THRB: variants seen among roughly 807,000 people sequenced by gnomAD.
THRB encodes thyroid hormone receptor beta, also known as nuclear receptor subfamily 1 group A member 2.
A neutral mutation model predicts 47.8 loss-of-function variants in THRB; 12 were observed. The ratio of observed to expected loss-of-function variants is 0.25; its 90% CI spans 0.16 to 0.41. The LOEUF is 0.41. Ranked by LOEUF, THRB falls within the 10% of genes least tolerant of loss-of-function variation. The pLI is 1.00. For synonymous variants in THRB, 218 were observed against 212.2 expected, an observed-to-expected ratio of 1.03 and a Z score of -0.24; for missense variants, 348 against 589.2, an observed-to-expected ratio of 0.59 and a Z score of 4.24.
Position 24,306,009 on chromosome 3 carries a change from T to C in THRB, c.-188-8638A>G, listed in dbSNP as rs541843272. Among the ~76,000 whole-genome samples the C allele has an allele frequency of 3.3e-5, 5 of 152,316 alleles. No individual in the cohort carries two copies. In the East Asian group the frequency reaches 9.6e-4, roughly 29 times the overall value. ...TCCAATAGATAACAAACATACTTCC[T>C]CCTCTTGCTAATTTAGACATGTTTC... On this transcript the variant is annotated intron_variant, in intron 2 of 10. Coordinates refer to ENST00000646209, the MANE Select transcript of THRB (RefSeq NM_001354712.2).
intron 1 of THRB, among the ~76,000 whole-genome samples, chr3:24,370,931 A>G (rs1051582435): frequency 3.9e-5 from 6 of 152,160 alleles, no homozygotes; most frequent in South Asian, 4.1e-4. Context: ...ATAGCCTAAC[A>G]TTAATTAAGC....
chr3:24,409,422 C>T (rs2068097082), intron 1 of THRB, among the ~76,000 whole-genome samples: 1 of 151,762 alleles, frequency 6.6e-6, no homozygotes, highest in African/African-American at 2.4e-5. Flanking sequence ...GGCAATATAG[C>T]ATAGCAGTTA....
At chr3:24,428,947 A>T (rs893535953) in intron 1 of THRB, among the ~76,000 whole-genome samples, 1 of 151,718 alleles carries the variant, frequency 6.6e-6, no homozygotes, top group Non-Finnish European at 1.5e-5. Context: ...GATGCATTGG[A>T]TCTTCAGAAA....
At chr3:24,364,210 G>A (rs996422143) in intron 1 of THRB, among the ~76,000 whole-genome samples, 8 of 152,154 alleles carry the variant, frequency 5.3e-5, no homozygotes, top group African/African-American at 1.2e-4. Flanking sequence ...GGTAGCTTTG[G>A]AAATGGCATC....
At chr3:24,389,979 T>C (rs2149957883) in intron 1 of THRB, among the ~76,000 whole-genome samples, 1 of 152,258 alleles carries the variant, frequency 6.6e-6, no homozygotes, top group East Asian at 1.9e-4. Flanking sequence ...AAAAATGTCT[T>C]CGTAGGTGTG....
chr3:24,334,944 G>A (rs2149405566), intron 2 of THRB, among the ~76,000 whole-genome samples: 1 of 152,290 alleles, frequency 6.6e-6, no homozygotes, highest in African/African-American at 2.4e-5. Flanking sequence ...TATACAACAT[G>A]TGTAACGTTT....
At chr3:24,449,539 A>C (rs1577654732) in intron 1 of THRB, among the ~76,000 whole-genome samples, 2 of 152,180 alleles carry the variant, frequency 1.3e-5, no homozygotes, top group East Asian at 1.9e-4. Context: ...ACCAACATTT[A>C]GTCCAACAGC....
chr3:24,278,224 A>C (rs1034872445), intron 3 of THRB, among the ~76,000 whole-genome samples: 15 of 152,250 alleles, frequency 9.9e-5, no homozygotes, highest in African/African-American at 3.1e-4. Flanking sequence ...AAATATATGA[A>C]GTATATAAAA....
At chr3:24,152,544 A>G (rs775965363) in intron 5 of THRB, 54 bp from the exon 6 acceptor site, 10 of 969,528 alleles carry the variant, frequency 1.0e-5, no homozygotes, top group Admixed American at 3.5e-5. Flanking sequence ...AACGTCAAAG[A>G]GACACTATAG....
In THRB at chr3:24,327,874, C is replaced by T. The variant is rs191200707; in HGVS notation, c.-189+9426G>A. Among the ~76,000 whole-genome samples, 3 of 151,874 alleles carry T rather than the reference C, an allele frequency of 2.0e-5. No individual in the cohort carries two copies. The East Asian group carries it at 5.8e-4, about 29-fold the overall frequency. On this transcript the variant is annotated intron_variant, in intron 2 of 10. Transcript: ENST00000646209. The stretch of plus-strand genomic sequence containing the variant: ...ATTCTACTGCTAGAACAAAGGTAAA[C>T]AAGAAAGTAGAACAACACATTGGCA...
intron 1 of THRB, among the ~76,000 whole-genome samples, chr3:24,398,352 C>T (rs1156829819): frequency 6.6e-6 from 1 of 152,126 alleles, no homozygotes; most frequent in African/African-American, 2.4e-5. Context: ...GGCTAATATC[C>T]AGAATCTACA....
At position 24,299,789 on chromosome 3, in the gene THRB, A is replaced by ATT. The variant is rs66468679; in HGVS notation, c.-188-2420_-188-2419dup. On this transcript the variant is annotated intron_variant, in intron 2 of 10. Transcript: ENST00000646209. Reference sequence around the variant, plus strand: ...TGCTTTTTTATTTATTTATTTATTTATTTTTTTTTTTTTAGCAAACATACC... The same window carrying ATT: ...TGCTTTTTTATTTATTTATTTATTTATTTTTTTTTTTTTTTAGCAAACATACC... Among the ~76,000 whole-genome samples, 15 of 69,082 alleles carry ATT rather than the reference A, an allele frequency of 2.2e-4. 1 individual carries two copies. The South Asian group carries it at 2.8e-3, about 13-fold the overall frequency. The allele number at this position is 69,082 out of a possible 152,430, so 45.3% of individuals were successfully genotyped here. A position where few individuals can be genotyped will look rare whatever the true frequency, so the allele number is the denominator to read the frequency against.
At chr3:24,182,263 T>C (rs939345829) in intron 5 of THRB, among the ~76,000 whole-genome samples, 2 of 151,916 alleles carry the variant, frequency 1.3e-5, no homozygotes, top group Non-Finnish European at 2.9e-5. Flanking sequence ...AGGGCAATGA[T>C]AGAATTATAA....
chr3:24,322,189 A>AT (rs1207063634), intron 2 of THRB, among the ~76,000 whole-genome samples: 2 of 152,246 alleles, frequency 1.3e-5, no homozygotes, highest in Admixed American at 1.3e-4. Flanking sequence ...TTTACAAAAT[A>AT]TTGATTTGGA....
At chr3:24,268,433 G>T (rs1299803257) in intron 3 of THRB, among the ~76,000 whole-genome samples, 1 of 152,160 alleles carries the variant, frequency 6.6e-6, no homozygotes, top group East Asian at 1.9e-4. Flanking sequence ...ATTGTTTCAA[G>T]TTGAAACAGT....
chr3:24,327,746 A>G (rs528837381), intron 2 of THRB, among the ~76,000 whole-genome samples: 261 of 152,354 alleles, frequency 1.7e-3, no homozygotes, highest in African/African-American at 6.0e-3. Flanking sequence ...GATTTGAAGT[A>G]GCAAATAGAA....
At chr3:24,236,074 G>C (rs2048837350) in intron 3 of THRB, among the ~76,000 whole-genome samples, 1 of 152,150 alleles carries the variant, frequency 6.6e-6, no homozygotes, top group South Asian at 2.1e-4. Context: ...ACCCATGCTA[G>C]GAGGGCAGTG....
intron 2 of THRB, among the ~76,000 whole-genome samples, chr3:24,301,486 G>T (rs2056938099): frequency 1.3e-5 from 2 of 152,142 alleles, no homozygotes; most frequent in Admixed American, 6.5e-5. Context: ...CATGTTGTAA[G>T]ACACCTATCT....
chr3:24,358,512 T>C (rs17014561), intron 1 of THRB, among the ~76,000 whole-genome samples: 15,842 of 152,194 alleles, frequency 0.1, 1,746 homozygotes, highest in African/African-American at 0.28. Flanking sequence ...GACCCAACAT[T>C]AATTAAAGAA....
Sources: gnomAD v4.1 joint callset for allele counts (sites outside exome capture counted in the v4.1 genomes callset) on GRCh38, gnomAD v4.1.1 for gene constraint, MANE v1.5 for transcripts, NCBI Gene and HGNC (gene_info 2026-07-23, HGNC 2026-07-21) for gene names.